Variants in CALN1 observed in about 807,000 individuals in gnomAD.
CALN1 encodes calcium-binding protein 8.
CALN1 carries 17 observed loss-of-function variants against 30.6 expected under a neutral mutation model. The observed-to-expected ratio is 0.56, with a 90% CI of 0.38 to 0.83. The LOEUF (loss-of-function observed/expected upper bound fraction) is 0.83, where lower values mean the gene tolerates loss of function less well. CALN1 is among the 40% of genes least tolerant of loss of function. The pLI is 0.00. For missense variants in CALN1, 291 were observed against 354.9 expected, an observed-to-expected ratio of 0.82 and a Z score of 1.45; for synonymous variants, 156 against 131.4, an observed-to-expected ratio of 1.19 and a Z score of -1.28.
intron 3 of CALN1, among the ~76,000 whole-genome samples, chr7:72,262,419 C>T (rs1796327303): frequency 6.6e-6 from 1 of 152,056 alleles, no homozygotes; most frequent in East Asian, 1.9e-4. Context: ...TTGCATGATG[C>T]TGAGGTTTGG....
intron 5 of CALN1, among the ~76,000 whole-genome samples, chr7:71,935,052 C>A (rs1402283207): frequency 6.6e-6 from 1 of 152,122 alleles, no homozygotes; most frequent in African/African-American, 2.4e-5. Flanking sequence ...TTTGGGTGGG[C>A]AAACAGCCAA....
upstream of CALN1, among the ~76,000 whole-genome samples, chr7:72,414,452 G>C (rs1170351769): frequency 6.6e-6 from 1 of 152,102 alleles, no homozygotes; most frequent in Non-Finnish European, 1.5e-5. Context: ...CAGGGGTCCT[G>C]GGATGGGTGG....
intron 5 of CALN1, among the ~76,000 whole-genome samples, chr7:71,971,452 A>AAAAC (rs903333919): frequency 9.2e-5 from 14 of 152,158 alleles, no homozygotes; most frequent in Non-Finnish European, 1.8e-4. Flanking sequence ...CTCTGCCTCA[A>AAAAC]AAACAAACAA....
chr7:71,962,199 C>G, intron 5 of CALN1, among the ~76,000 whole-genome samples: 1 of 150,198 alleles, frequency 6.7e-6, no homozygotes, highest in Non-Finnish European at 1.5e-5. Flanking sequence ...TTGAGACCAG[C>G]TTGGGCAACA....
intron 3 of CALN1, among the ~76,000 whole-genome samples, chr7:72,181,468 T>A (rs925204935): frequency 6.8e-6 from 1 of 146,554 alleles, no homozygotes; most frequent in Non-Finnish European, 1.5e-5. Context: ...GCCTAGCTCA[T>A]AGTAAGGATT....
At chr7:72,447,465 T>C (rs1026700101), upstream of CALN1, among the ~76,000 whole-genome samples, 1 of 152,172 alleles carries the variant, frequency 6.6e-6, no homozygotes, top group Admixed American at 6.5e-5. Context: ...TCCTGCTCGC[T>C]GTCTTCCAGA....
chr7:72,328,338 T>G (rs776190458), intron 2 of CALN1, among the ~76,000 whole-genome samples: 9 of 152,118 alleles, frequency 5.9e-5, no homozygotes, highest in Non-Finnish European at 1.0e-4. Context: ...AGTGAATAAG[T>G]CTGATGAGAT....
chr7:72,347,520 C>T (rs1046915073), intron 2 of CALN1, among the ~76,000 whole-genome samples: 8 of 152,122 alleles, frequency 5.3e-5, no homozygotes, highest in Non-Finnish European at 1.2e-4. Context: ...CCAGCCTCGG[C>T]CTCCCAAAGT....
chr7:72,322,600 CT>C (rs1348738290), intron 2 of CALN1, among the ~76,000 whole-genome samples: 3 of 151,720 alleles, frequency 2.0e-5, no homozygotes, highest in Admixed American at 1.3e-4. Context: ...TTTGTGGGAA[CT>C]AAAAATTAAA....
Position 72,118,823 on chromosome 7 carries a change from T to C in CALN1, c.245-12529A>G, listed in dbSNP as rs1440968477. Among the ~76,000 whole-genome samples, 8 of 152,282 alleles carry C rather than the reference T, an allele frequency of 5.3e-5. No individual in the cohort carries two copies. The South Asian group carries it at 1.4e-3, about 28-fold the overall frequency. On this transcript the variant is annotated intron_variant, in intron 3 of 6. Transcript: ENST00000395275. The stretch of plus-strand genomic sequence containing the variant: ...AGGGATCTCGCATTGCTGGAACACA[T>C]CAGTTCCATTTGTCTGGAATGGTTC...
At chr7:72,444,171 G>A (rs531593212) in intron 1 of CALN1, among the ~76,000 whole-genome samples, 5 of 151,650 alleles carry the variant, frequency 3.3e-5, no homozygotes, top group African/African-American at 4.8e-5. Context: ...CATTCAGAGC[G>A]GTTATCCCGT....
In CALN1 at chr7:72,101,697, G is replaced by A. The variant is rs188503144; in HGVS notation, c.388+4454C>T. On this transcript the variant is annotated intron_variant, in intron 4 of 6. Coordinates refer to ENST00000395275, the MANE Select transcript of CALN1 (RefSeq NM_031468.4). ...CGGCAAGATAACAGGCTAAAACCACGCTCTTGCAACTGGCCTGCAGGCCAA... is the reference window on the plus strand; with the variant it reads ...CGGCAAGATAACAGGCTAAAACCACACTCTTGCAACTGGCCTGCAGGCCAA... Among the ~76,000 whole-genome samples the A allele has an allele frequency of 4.2e-3, 644 of 152,214 alleles. 3 individuals carry two copies. The highest frequency in any genetic ancestry group is 7.7e-3 in the Non-Finnish European group (522 of 68,026).
intron 4 of CALN1, among the ~76,000 whole-genome samples, chr7:72,066,814 C>T (rs911975146): frequency 6.6e-6 from 1 of 151,352 alleles, no homozygotes; most frequent in African/African-American, 2.4e-5. Flanking sequence ...CAGAGTCTCA[C>T]TCTGTTGCCC....
chr7:72,335,769 G>A (rs1801982091), intron 2 of CALN1, among the ~76,000 whole-genome samples: 1 of 152,206 alleles, frequency 6.6e-6, no homozygotes, highest in Admixed American at 6.5e-5. Context: ...GTGGGCTGGT[G>A]GCCCGGGCGC....
intron 2 of CALN1, among the ~76,000 whole-genome samples, chr7:72,394,652 G>A (rs890661070): frequency 1.5e-5 from 2 of 132,114 alleles, no homozygotes; most frequent in East Asian, 5.0e-4. Flanking sequence ...AACTTCAGGG[G>A]TACCATTGAC....
chr7:71,940,773 A>G (rs1796085177), intron 5 of CALN1, among the ~76,000 whole-genome samples: 1 of 151,982 alleles, frequency 6.6e-6, no homozygotes, highest in African/African-American at 2.4e-5. Flanking sequence ...CACCACGTCC[A>G]GATAATTTTT....
chr7:72,306,337 T>A (rs529146952), intron 2 of CALN1, among the ~76,000 whole-genome samples: 1 of 152,196 alleles, frequency 6.6e-6, no homozygotes, highest in Non-Finnish European at 1.5e-5. Context: ...AGCAATTTTT[T>A]AAAGGTCTGA....
intron 4 of CALN1, among the ~76,000 whole-genome samples, chr7:72,093,556 A>G (rs997045973): frequency 1.3e-5 from 2 of 152,322 alleles, no homozygotes; most frequent in South Asian, 2.1e-4. Context: ...TTCTTGGGAT[A>G]CAATAATTAT....
At chr7:72,192,182 G>T (rs1790658076) in intron 3 of CALN1, among the ~76,000 whole-genome samples, 1 of 152,110 alleles carries the variant, frequency 6.6e-6, no homozygotes, top group Non-Finnish European at 1.5e-5. Flanking sequence ...TACACGTCTA[G>T]GCTAGATAGT....
Sources: gnomAD v4.1 joint callset for allele counts (sites outside exome capture counted in the v4.1 genomes callset) on GRCh38, gnomAD v4.1.1 for gene constraint, MANE v1.5 for transcripts, NCBI Gene and HGNC (gene_info 2026-07-23, HGNC 2026-07-21) for gene names.